CADM2: variants seen among roughly 807,000 people sequenced by gnomAD.
The protein encoded by CADM2 is immunoglobulin superfamily member 4D.
CADM2 carries 12 observed loss-of-function variants against 49.8 expected under a neutral mutation model. The ratio of observed to expected loss-of-function variants is 0.24; its 90% CI spans 0.15 to 0.39. The LOEUF (loss-of-function observed/expected upper bound fraction) is 0.39, where lower values mean the gene tolerates loss of function less well. CADM2 is among the 10% of genes least tolerant of loss of function. The pLI, the probability that CADM2 is intolerant of heterozygous loss-of-function variation, is 1.00. For synonymous variants in CADM2, 214 were observed against 175.4 expected (o/e 1.22, Z -1.74); for missense variants, 378 against 492.3 (o/e 0.77, Z 2.20).
chr3:85,952,491 G>C (rs538583775), intron 7 of CADM2, among the ~76,000 whole-genome samples: 74 of 150,894 alleles, frequency 4.9e-4, no homozygotes, highest in South Asian at 1.0e-3. Context: ...GTATTTCTTG[G>C]TTTTCTTGTA....
At chr3:85,489,100 A>G (rs2039554117) in intron 1 of CADM2, among the ~76,000 whole-genome samples, 1 of 152,148 alleles carries the variant, frequency 6.6e-6, no homozygotes, top group Non-Finnish European at 1.5e-5. Flanking sequence ...TAGTTTTAGT[A>G]TTGTTATTTC....
intron 1 of CADM2, among the ~76,000 whole-genome samples, chr3:85,486,954 A>T (rs530305432): frequency 7.1e-5 from 10 of 141,012 alleles, no homozygotes; most frequent in East Asian, 2.2e-4. Flanking sequence ...TTTTTTTTTT[A>T]AATCACAGTG....
chr3:85,866,168 C>G (rs1577510898), intron 3 of CADM2, among the ~76,000 whole-genome samples: 1 of 151,932 alleles, frequency 6.6e-6, no homozygotes, highest in Non-Finnish European at 1.5e-5. Flanking sequence ...AGAAGAAAAA[C>G]CCCGAAGTGG....
At chr3:85,469,789 T>A (rs1312498282) in intron 1 of CADM2, among the ~76,000 whole-genome samples, 1 of 152,164 alleles carries the variant, frequency 6.6e-6, no homozygotes, top group Non-Finnish European at 1.5e-5. Context: ...TAACTCCAAG[T>A]GTTAACACAG....
intron 1 of CADM2, among the ~76,000 whole-genome samples, chr3:85,074,317 C>T (rs376015538): frequency 6.6e-6 from 1 of 152,140 alleles, no homozygotes; most frequent in Non-Finnish European, 1.5e-5. Flanking sequence ...AAAATCTCAA[C>T]TTCTCAGTGG....
At chr3:85,561,668 AT>A (rs1375296991) in intron 1 of CADM2, among the ~76,000 whole-genome samples, 4 of 152,212 alleles carry the variant, frequency 2.6e-5, no homozygotes, top group Non-Finnish European at 4.4e-5. Flanking sequence ...ATGAGCAGCT[AT>A]TGCTCTAGGC....
At chr3:85,335,110 A>G (rs1392836402) in intron 1 of CADM2, among the ~76,000 whole-genome samples, 2 of 151,584 alleles carry the variant, frequency 1.3e-5, no homozygotes, top group African/African-American at 4.8e-5. Flanking sequence ...GGTCTTCATG[A>G]GAACAAATTG....
chr3:85,004,236 C>T (rs76141522), intron 1 of CADM2, among the ~76,000 whole-genome samples: 1 of 152,016 alleles, frequency 6.6e-6, no homozygotes, highest in African/African-American at 2.4e-5. Flanking sequence ...GGGAAAGCAA[C>T]GAAGCGTTTG....
At chr3:85,807,640 T>C (rs2072534386) in intron 3 of CADM2, among the ~76,000 whole-genome samples, 1 of 152,088 alleles carries the variant, frequency 6.6e-6, no homozygotes, top group Non-Finnish European at 1.5e-5. Context: ...GATATTTAAA[T>C]TTAAATTAAT....
intron 2 of CADM2, among the ~76,000 whole-genome samples, chr3:85,787,900 G>T (rs571771769): frequency 6.6e-6 from 1 of 152,020 alleles, no homozygotes; most frequent in Non-Finnish European, 1.5e-5. Flanking sequence ...ATATTTTTCA[G>T]TTCTTTCAAC....
chr3:85,037,683 C>A (rs958919251), intron 1 of CADM2, among the ~76,000 whole-genome samples: 2 of 151,948 alleles, frequency 1.3e-5, no homozygotes, highest in Non-Finnish European at 2.9e-5. Flanking sequence ...TATGTTTGTC[C>A]CCTTTATCTT....
intron 1 of CADM2, among the ~76,000 whole-genome samples, chr3:85,323,183 G>A (rs114781402): frequency 9.9e-5 from 15 of 152,236 alleles, no homozygotes; most frequent in African/African-American, 3.4e-4. Context: ...GTCTAGGACT[G>A]AATGCAATCT....
intron 1 of CADM2, among the ~76,000 whole-genome samples, chr3:85,415,764 A>G (rs2035893440): frequency 6.6e-6 from 1 of 152,186 alleles, no homozygotes; most frequent in African/African-American, 2.4e-5. Flanking sequence ...TATGATTTGT[A>G]TACAAATAAG....
chr3:85,308,019 T>A (rs1304081687), intron 1 of CADM2, among the ~76,000 whole-genome samples: 2 of 151,592 alleles, frequency 1.3e-5, no homozygotes, highest in African/African-American at 4.8e-5. Flanking sequence ...TACACAAATG[T>A]GCAACGTTTA....
chr3:85,419,398 C>A (rs564527976), intron 1 of CADM2, among the ~76,000 whole-genome samples: 2 of 151,634 alleles, frequency 1.3e-5, no homozygotes, highest in Non-Finnish European at 2.9e-5. Context: ...GCGGAGCTTG[C>A]AGTGAGCGGA....
intron 1 of CADM2, among the ~76,000 whole-genome samples, chr3:85,456,466 A>G (rs2037994338): frequency 6.6e-6 from 1 of 152,184 alleles, no homozygotes; most frequent in South Asian, 2.1e-4. Context: ...GATAAGGGAT[A>G]TTGAATGATA....
chr3:85,394,797 G>A (rs139600267), intron 1 of CADM2, among the ~76,000 whole-genome samples: 7 of 152,144 alleles, frequency 4.6e-5, no homozygotes, highest in African/African-American at 1.7e-4. Context: ...TATTATTGCT[G>A]TTCAATTATT....
chr3:85,183,063 C>T (rs1370387124), intron 1 of CADM2, among the ~76,000 whole-genome samples: 1 of 152,054 alleles, frequency 6.6e-6, no homozygotes, highest in Non-Finnish European at 1.5e-5. Context: ...TTGCAATTTA[C>T]ACAAGATGCC....
At position 85,201,528 on chromosome 3, in the gene CADM2, C is replaced by T. The variant is rs190020286; in HGVS notation, c.61+241860C>T. ...GCTGTGACAATTTCTTAAAATAATG[C>T]AATGATGAAGTTTGCCGCATTGATT... On this transcript the variant is annotated intron_variant, in intron 1 of 9. Transcript: ENST00000383699. Among the ~76,000 whole-genome samples, 312 of 152,158 alleles carry T rather than the reference C, an allele frequency of 2.1e-3. 1 individual carries two copies. Among genetic ancestry groups the T allele is most frequent in the African/African-American group, 7.1e-3 (295 of 41,518 alleles).
Sources: gnomAD v4.1 joint callset for allele counts (sites outside exome capture counted in the v4.1 genomes callset) on GRCh38, gnomAD v4.1.1 for gene constraint, MANE v1.5 for transcripts, NCBI Gene and HGNC (gene_info 2026-07-23, HGNC 2026-07-21) for gene names.